The following RAD51B variants were observed in gnomAD, a reference collection of about 807,000 sequenced individuals.
RAD51B encodes the protein DNA repair protein RAD51 homolog 2.
In RAD51B, 38 loss-of-function variants were observed where a neutral mutation model predicts 42.2. That is an observed-to-expected ratio of 0.90 (90% CI 0.70 to 1.18). RAD51B has a LOEUF of 1.18. Ranked by LOEUF, RAD51B falls within the 50% of genes most tolerant of loss-of-function variation. The probability of loss-of-function intolerance (pLI) is 0.00; values close to 1 mark genes in which losing one functional copy is unlikely to be tolerated. For missense variants in RAD51B, 373 were observed against 400.7 expected (o/e 0.93, Z 0.59); for synonymous variants, 154 against 145.2 (o/e 1.06, Z -0.43).
At chr14:67,852,349 TG>T (rs2041850870) in intron 4 of RAD51B, among the ~76,000 whole-genome samples, 1 of 152,192 alleles carries the variant, frequency 6.6e-6, no homozygotes, top group Non-Finnish European at 1.5e-5. Flanking sequence ...CTATAACAGC[TG>T]GCACCAGGGA....
intron 10 of RAD51B, chr14:68,540,279 G>A (rs1391728568): frequency 2.9e-6 from 3 of 1,028,304 alleles, no homozygotes; most frequent in Non-Finnish European, 2.3e-6. Context: ...AGGTTCAAGA[G>A]CCTAGGACTC....
intron 8 of RAD51B, among the ~76,000 whole-genome samples, chr14:68,370,898 G>A (rs1273715742): frequency 4.6e-5 from 7 of 151,476 alleles, no homozygotes; most frequent in African/African-American, 1.5e-4. Flanking sequence ...TTAGCCGGAC[G>A]TGGTGGCACA....
At chr14:68,202,656 C>T (rs114679400) in intron 7 of RAD51B, among the ~76,000 whole-genome samples, 2 of 132,512 alleles carry the variant, frequency 1.5e-5, no homozygotes, top group Non-Finnish European at 3.1e-5. Flanking sequence ...GATCTTGGTT[C>T]ACCGCAGCCT....
At chr14:68,516,172 G>A (rs1480980612) in intron 10 of RAD51B, among the ~76,000 whole-genome samples, 1 of 152,054 alleles carries the variant, frequency 6.6e-6, no homozygotes, top group African/African-American at 2.4e-5. Flanking sequence ...TTGCTATACA[G>A]CAATAGATAA....
At chr14:68,656,610 T>C (rs951995280) in intron 11 of RAD51B, among the ~76,000 whole-genome samples, 5 of 152,166 alleles carry the variant, frequency 3.3e-5, no homozygotes, top group Non-Finnish European at 5.9e-5. Context: ...TCCTGCGCTC[T>C]GGCCCAGAGC....
chr14:68,329,175 A>T (rs959828347), intron 8 of RAD51B, among the ~76,000 whole-genome samples: 2 of 151,976 alleles, frequency 1.3e-5, no homozygotes, highest in Non-Finnish European at 2.9e-5. Flanking sequence ...CATCCAGCTA[A>T]TTTTTTATTT....
At chr14:67,940,156 C>A (rs774120832) in intron 7 of RAD51B, among the ~76,000 whole-genome samples, 1 of 139,682 alleles carries the variant, frequency 7.2e-6, no homozygotes, top group Non-Finnish European at 1.5e-5. Flanking sequence ...TCACTGCAAC[C>A]TCTGCCTCCC....
intron 7 of RAD51B, among the ~76,000 whole-genome samples, chr14:68,101,427 G>A (rs1356343915): frequency 9.3e-5 from 14 of 151,114 alleles, no homozygotes; most frequent in Non-Finnish European, 2.1e-4. Context: ...AAACAAGTTA[G>A]TTACTCCTAG....
At chr14:68,165,184 G>T (rs1356776991) in intron 7 of RAD51B, among the ~76,000 whole-genome samples, 1 of 152,096 alleles carries the variant, frequency 6.6e-6, no homozygotes, top group African/African-American at 2.4e-5. Context: ...AACCAACAGG[G>T]ACTTAAGTAT....
chr14:68,228,232 T>C (rs1378915212), intron 7 of RAD51B, among the ~76,000 whole-genome samples: 3 of 152,162 alleles, frequency 2.0e-5, no homozygotes, highest in Non-Finnish European at 2.9e-5. Context: ...GGACAAGGCA[T>C]CTTACCTCTA....
intron 11 of RAD51B, among the ~76,000 whole-genome samples, chr14:68,662,480 A>G (rs1393834132): frequency 6.6e-6 from 1 of 152,194 alleles, no homozygotes; most frequent in Admixed American, 6.5e-5. Context: ...CGGTCATGGG[A>G]GATTCTGGGA....
chr14:67,891,892 TTAAACA>T (rs914921968), intron 7 of RAD51B, among the ~76,000 whole-genome samples: 2 of 152,176 alleles, frequency 1.3e-5, no homozygotes, highest in African/African-American at 4.8e-5. Flanking sequence ...TATTTTTATC[TTAAACA>T]TAAATATTCA....
downstream of RAD51B, among the ~76,000 whole-genome samples, chr14:68,597,100 C>G (rs1027363585): frequency 9.2e-5 from 14 of 152,218 alleles, no homozygotes; most frequent in African/African-American, 3.4e-4. Flanking sequence ...AATTAGCCAG[C>G]TACTGTCATT....
intron 10 of RAD51B, chr14:68,562,563 C>T: frequency 1.0e-6 from 1 of 985,424 alleles, no homozygotes; most frequent in Non-Finnish European, 1.2e-6. Context: ...AAACTAACTC[C>T]TTTTGTGTAC....
At chr14:67,962,667 A>G (rs1256184356) in intron 7 of RAD51B, among the ~76,000 whole-genome samples, 2 of 152,176 alleles carry the variant, frequency 1.3e-5, no homozygotes, top group Non-Finnish European at 2.9e-5. Context: ...CAGAGAATAT[A>G]GTATCTGTGA....
intron 7 of RAD51B, among the ~76,000 whole-genome samples, chr14:68,087,626 T>C (rs534797629): frequency 4.0e-4 from 60 of 151,668 alleles, no homozygotes; most frequent in African/African-American, 1.4e-3. Flanking sequence ...GATTGAGCTA[T>C]GGGGCCTTGA....
At chr14:67,934,677 T>G (rs1008325504) in intron 7 of RAD51B, among the ~76,000 whole-genome samples, 1 of 152,236 alleles carries the variant, frequency 6.6e-6, no homozygotes, top group Non-Finnish European at 1.5e-5. Flanking sequence ...ATTCTCTATT[T>G]CATTCCCCTA....
intron 10 of RAD51B, among the ~76,000 whole-genome samples, chr14:68,618,037 G>A (rs1166444618): frequency 6.6e-6 from 1 of 152,212 alleles, no homozygotes; most frequent in African/African-American, 2.4e-5. Context: ...TGATAACCTG[G>A]CTGGGGGTTC....
intron 9 of RAD51B, among the ~76,000 whole-genome samples, chr14:68,443,000 C>T (rs1285389747): frequency 6.6e-6 from 1 of 152,174 alleles, no homozygotes; most frequent in African/African-American, 2.4e-5. Flanking sequence ...ACTGCTCATT[C>T]ACCCTGTGTT....
Sources: gnomAD v4.1 joint callset for allele counts (sites outside exome capture counted in the v4.1 genomes callset) on GRCh38, gnomAD v4.1.1 for gene constraint, MANE v1.5 for transcripts, NCBI Gene and HGNC (gene_info 2026-07-23, HGNC 2026-07-21) for gene names.